SHPRH: variants seen among roughly 807,000 people sequenced by gnomAD.
The protein encoded by SHPRH is SNF2 histone linker PHD RING helicase.
Under a neutral mutation model 202.5 loss-of-function variants are expected in SHPRH, and 106 were observed. The ratio of observed to expected loss-of-function variants is 0.52; its 90% CI spans 0.45 to 0.62. The LOEUF (loss-of-function observed/expected upper bound fraction) is 0.62. Ranked by LOEUF, SHPRH falls within the 20% of genes least tolerant of loss-of-function variation. The pLI is 0.00. For synonymous variants in SHPRH, 729 were observed against 686.0 expected, an observed-to-expected ratio of 1.06 and a Z score of -0.98; for missense variants, 1,710 against 2,020.0, an observed-to-expected ratio of 0.85 and a Z score of 2.94.
Position 145,922,743 on chromosome 6 carries a change from G to GT in SHPRH, c.3638dup (p.Asn1213LysfsTer9). On this transcript the variant is annotated frameshift_variant, in exon 19 of 30. Transcript: ENST00000275233. LOFTEE classifies it high-confidence loss of function. ...CATTACGAGATGGAGGTCCCTCCAG[G>GT]TTTTTTACAGCCTCTCTTACTAGCT... 1 of 1,612,086 alleles carries GT rather than the reference G, an allele frequency of 6.2e-7. No homozygotes were observed.
At chr6:145,892,882 A>G (rs1354318835) in intron 28 of SHPRH, among the ~76,000 whole-genome samples, 1 of 152,044 alleles carries the variant, frequency 6.6e-6, no homozygotes, top group Non-Finnish European at 1.5e-5. Flanking sequence ...GGCATGATGG[A>G]TGCCTTCAAC....
At chr6:145,891,338 T>C (rs1183203729) in intron 28 of SHPRH, among the ~76,000 whole-genome samples, 3 of 152,188 alleles carry the variant, frequency 2.0e-5, no homozygotes, top group Admixed American at 1.3e-4. Flanking sequence ...GATAGCTGCA[T>C]GACTAACTTT....
rs760292496 is a variant in SHPRH, at chr6:145,954,873, C to A, written c.450G>T (p.Leu150=). 15 of 1,613,622 alleles carry A rather than the reference C, an allele frequency of 9.3e-6. No homozygotes were observed. Among genetic ancestry groups the A allele is most frequent in the Non-Finnish European group, 9.3e-6 (11 of 1,179,860 alleles). The change falls in exon 2 of 30, where the codon CTG becomes CTT. Residue 150 remains leucine, a synonymous_variant. Transcript: ENST00000275233. ...CTTCACCTTTTGAATGAACATAAAT[C>A]AGGAACTGATTGCTTGACTCTGAAC... The part of the protein sequence containing the change: ...LMSSESSNQF[L]IYVHSKGEDV...
At chr6:145,867,631 T>TATATATAGAGAGAGAGAG (rs1554220329) in intron 2 of SHPRH, among the ~76,000 whole-genome samples, 2 of 22,316 alleles carry the variant, frequency 9.0e-5, no homozygotes, top group African/African-American at 2.2e-4. Context: ...TATATATATA[T>TATATATAGAGAGAGAGAG]AGAGAGAGAG....
rs563312063 is a variant in SHPRH, at chr6:145,954,761, C to T, written c.562G>A (p.Asp188Asn). The T allele has an allele frequency of 1.9e-6, 3 of 1,612,676 alleles. No homozygotes were observed. In the South Asian group the frequency reaches 3.3e-5, roughly 18 times the overall value. ...ESSFSGEMLE[D>N]LGWLQKKRRI... ...CTCTTCTTTTGTAGCCACCCCAAAT[C>T]TTCTAACATTTCACCACTGAAGGAT... Residue 188 changes from aspartate (D) to asparagine (N), a missense_variant, in exon 2 of 30, where the codon GAT becomes AAT. Physicochemically the swap from Asp to Asn is conservative, Grantham distance 23. Around this residue, in one of 8 missense-constraint regions of SHPRH, gnomAD observed 459 missense variants for 426.5 expected, o/e 1.08. Transcript: ENST00000275233.
chr6:145,899,198 A>G (rs1287645950), intron 25 of SHPRH, among the ~76,000 whole-genome samples: 1 of 152,184 alleles, frequency 6.6e-6, no homozygotes, highest in African/African-American at 2.4e-5. Context: ...AGGAAAAACA[A>G]TTCTAAAACT....
intron 2 of SHPRH, among the ~76,000 whole-genome samples, chr6:145,874,153 G>A (rs960272875): frequency 2.0e-5 from 3 of 151,854 alleles, no homozygotes; most frequent in East Asian, 1.9e-4. Context: ...AGCCGAGATC[G>A]TGCCATTGCA....
chr6:145,933,376 T>C lies in SHPRH; in HGVS notation c.2991-198A>G, dbSNP rs116033309. On this transcript the variant is annotated intron_variant, in intron 13 of 29. Transcript: ENST00000275233. ...TTATTTGATCACATCCTTCTTTAAGTTTTTCCCATTTCAGTAAAGGGAGAA... is the reference window on the plus strand; with the variant it reads ...TTATTTGATCACATCCTTCTTTAAGCTTTTCCCATTTCAGTAAAGGGAGAA... 5.0e-3 allele frequency among the ~76,000 whole-genome samples: 766 copies of C among 152,278 alleles called. 4 individuals carry two copies. Among genetic ancestry groups the C allele is most frequent in the African/African-American group, 0.018 (745 of 41,540 alleles).
intron 23 of SHPRH, 169 bp downstream of exon 23, chr6:145,917,962 A>T: frequency 2.2e-6 from 1 of 451,138 alleles, no homozygotes. Context: ...TATAGATACA[A>T]TATTCTTTTG....
At chr6:145,954,637 T>C in intron 2 of SHPRH, 53 bp downstream of exon 2, 1 of 1,508,332 alleles carries the variant, frequency 6.6e-7, no homozygotes, top group Non-Finnish European at 8.9e-7. Flanking sequence ...AATTTAAAAT[T>C]GGACTGCCAA....
chr6:145,894,453 A>ATTTC (rs1193457351), intron 26 of SHPRH, among the ~76,000 whole-genome samples: 3 of 149,392 alleles, frequency 2.0e-5, no homozygotes, highest in African/African-American at 7.4e-5. Flanking sequence ...GCTGGTTTTG[A>ATTTC]AAATGTAATT....
intron 1 of SHPRH, among the ~76,000 whole-genome samples, chr6:145,962,276 T>C (rs751031398): frequency 3.3e-5 from 5 of 152,210 alleles, no homozygotes; most frequent in Non-Finnish European, 7.3e-5. Context: ...AGTATCCTAT[T>C]CAGTGTTGTA....
chr6:145,950,316 C>T lies in SHPRH; in HGVS notation c.930G>A (p.Glu310=). 1 of 1,613,172 alleles carries T rather than the reference C, an allele frequency of 6.2e-7. No homozygotes were observed. The highest frequency in any genetic ancestry group is 1.7e-5 in the Admixed American group (1 of 59,928). ...LIPVLRPYQR[E]AVNWMLQQEC... ...CTTGTTGTAGCATCCAATTGACAGC[C>T]TCTCTTTGGTAGGGTCTCAACACAG... is the stretch of plus-strand genomic sequence containing the variant. The change falls in exon 4 of 30, where the codon GAG becomes GAA. Residue 310 remains glutamate, a synonymous_variant. Coordinates refer to ENST00000275233, the MANE Select transcript of SHPRH (RefSeq NM_001042683.3).
In SHPRH at chr6:145,922,800, T is replaced by C. The variant is rs2128750603; in HGVS notation, c.3582A>G (p.Thr1194=). The C allele has an allele frequency of 6.2e-7, 1 of 1,611,848 alleles. No individual in the cohort carries two copies. Among genetic ancestry groups the C allele is most frequent in the South Asian group, 1.1e-5 (1 of 90,982 alleles). ...ATTTATTTAGCTCTTCCATTTGTGT[T>C]GTAAGTAAGAACTGAAGACCTCTGC... The part of the protein sequence containing the change: ...RDCRGLQFLL[T]TQMEELNKCQ... Residue 1194 remains threonine, a synonymous_variant, in exon 19 of 30, where the codon ACA becomes ACG. Transcript: ENST00000275233.
chr6:145,904,364 C>G (rs910939864), intron 25 of SHPRH: 1 of 151,780 alleles, frequency 6.6e-6, no homozygotes, highest in African/African-American at 2.4e-5. Flanking sequence ...AAGAAAAAAA[C>G]TAGGTTTAGA....
intron 25 of SHPRH, chr6:145,908,723 T>C (rs1380074474): frequency 2.0e-5 from 3 of 152,204 alleles, no homozygotes; most frequent in African/African-American, 7.2e-5. Context: ...TTACCGACGA[T>C]AATTTCTTTT....
chr6:145,932,272 C>T (rs1292584298), intron 14 of SHPRH, among the ~76,000 whole-genome samples: 1 of 152,098 alleles, frequency 6.6e-6, no homozygotes, highest in East Asian at 1.9e-4. Flanking sequence ...TATAACTTTG[C>T]TTCCAGCCAA....
chr6:145,859,860 GTTCT>G (rs1779526307), downstream of SHPRH, among the ~76,000 whole-genome samples: 1 of 152,106 alleles, frequency 6.6e-6, no homozygotes, highest in East Asian at 1.9e-4. Context: ...TTCTCTCTCT[GTTCT>G]TTCTGAGTGG....
intron 4 of SHPRH, among the ~76,000 whole-genome samples, chr6:145,949,401 C>T (rs1222041072): frequency 6.6e-6 from 1 of 152,046 alleles, no homozygotes; most frequent in Admixed American, 6.6e-5. Flanking sequence ...GAATACTATA[C>T]AGCCACAAAA....
Sources: gnomAD v4.1 joint callset for allele counts (sites outside exome capture counted in the v4.1 genomes callset) on GRCh38, gnomAD v4.1.1 for gene constraint, gnomAD v4.1.1 regional missense constraint, MANE v1.5 for transcripts, NCBI Gene and HGNC (gene_info 2026-07-23, HGNC 2026-07-21) for gene names.